The following OSGIN2 variants were observed in gnomAD, a reference collection of about 807,000 sequenced individuals.
OSGIN2 encodes oxidative stress-induced growth inhibitor 2.
Under a neutral mutation model 53.8 loss-of-function variants are expected in OSGIN2, and 19 were observed. The ratio of observed to expected loss-of-function variants is 0.35; its 90% confidence interval spans 0.25 to 0.52. The LOEUF (loss-of-function observed/expected upper bound fraction) is 0.52, where lower values mean the gene tolerates loss of function less well. OSGIN2 is among the 20% of genes least tolerant of loss of function. The probability of loss-of-function intolerance (pLI) is 0.95; values close to 1 mark genes in which losing one functional copy is unlikely to be tolerated. For synonymous variants in OSGIN2, 236 were observed against 236.0 expected (o/e 1.00, Z 0.00); for missense variants, 520 against 662.7 (o/e 0.78, Z 2.36).
intron 4 of OSGIN2, among the ~76,000 whole-genome samples, chr8:89,917,970 A>T (rs1261385000): frequency 2.0e-5 from 3 of 152,108 alleles, no homozygotes; most frequent in South Asian, 2.1e-4. Context: ...CTTTAAAAAA[A>T]TTTTAGGTGC....
At chr8:89,908,377 C>T (rs1808881947) in intron 1 of OSGIN2, among the ~76,000 whole-genome samples, 1 of 152,084 alleles carries the variant, frequency 6.6e-6, no homozygotes, top group Non-Finnish European at 1.5e-5. Flanking sequence ...CTCAGTATGT[C>T]CTGAGGAAGT....
rs1327815442 is a variant in OSGIN2 at position 89,902,808 on chromosome 8, C to T, written c.15C>T (p.Cys5=). 1 of 1,362,092 alleles carries T rather than the reference C, an allele frequency of 7.3e-7. No homozygotes were observed. Among genetic ancestry groups the T allele is most frequent in the Non-Finnish European group, 9.6e-7 (1 of 1,037,320 alleles). 84.4% of individuals were successfully genotyped at this position (1,362,092 alleles called of 1,614,324 possible). A position where few individuals can be genotyped will look rare whatever the true frequency, so the allele number is the denominator to read the frequency against. ...CGCAGCGCTCCATGCCCGTGTGGTG[C>T]TGCCGCTGCTCCCTGGCCGGTCATT... MPVW[C]CRCSLAGHFR... The change falls in exon 1 of 6, where the codon TGC becomes TGT. Residue 5 remains cysteine (C), a synonymous_variant. Transcript: ENST00000451899.
Position 89,925,395 on chromosome 8 carries a change from G to C in OSGIN2, c.1513G>C (p.Ala505Pro), listed in dbSNP as rs1353368713. 6.2e-7 allele frequency: 1 copy of C among 1,614,052 alleles called. No homozygotes were observed. The highest frequency in any genetic ancestry group is 8.5e-7 in the Non-Finnish European group (1 of 1,179,964). The change falls in exon 6 of 6, where the codon GCA becomes CCA. Residue 505 changes from alanine to proline, a missense_variant. Coordinates refer to ENST00000451899, the MANE Select transcript of OSGIN2 (RefSeq NM_001126111.3). ...GTGTATTAAAGAAGCCAACCTTTTT[G>C]CATTGGGTCCTTTGGTTGGAGACAA... ...YECIKEANLF[A>P]LGPLVGDNFV...
In OSGIN2 at chr8:89,914,744, C is replaced by A. The variant is rs149112481; in HGVS notation, c.526C>A (p.His176Asn). 4.7e-5 allele frequency: 75 copies of A among 1,609,230 alleles called. No homozygotes were observed. The highest frequency in any genetic ancestry group is 1.5e-4 in the Admixed American group (9 of 59,846). ...TAAAGGTCCACCTGGTGGGGCTTGG[C>A]ATGTGAGTATATTTTTCTTAGCATT... Reference protein sequence around the residue: ...LGKGPPGGAWHNMEGSMLTIS... With the variant: ...LGKGPPGGAWNNMEGSMLTIS... Residue 176 changes from histidine to asparagine, a missense_variant and splice_region_variant, in exon 4 of 6, where the codon CAT becomes AAT. Transcript: ENST00000451899.
chr8:89,906,468 C>G (rs1252786698), intron 1 of OSGIN2, among the ~76,000 whole-genome samples: 1 of 148,242 alleles, frequency 6.7e-6, no homozygotes, highest in Non-Finnish European at 1.5e-5. Context: ...GTGTGTTGTT[C>G]CCCTCTGTGT....
At chr8:89,910,930 T>G (rs1050252321) in intron 2 of OSGIN2, among the ~76,000 whole-genome samples, 14 of 152,320 alleles carry the variant, frequency 9.2e-5, no homozygotes, top group African/African-American at 3.4e-4. Context: ...TTCTTAAATA[T>G]ATGTTTTCTG....
At chr8:89,912,777 C>A (rs1277558987) in intron 2 of OSGIN2, among the ~76,000 whole-genome samples, 14 of 151,812 alleles carry the variant, frequency 9.2e-5, no homozygotes, top group East Asian at 1.9e-4. Flanking sequence ...AAACAAAACT[C>A]CTGATCCCTC....
chr8:89,904,699 C>T (rs1035707093), intron 1 of OSGIN2, among the ~76,000 whole-genome samples: 1 of 152,030 alleles, frequency 6.6e-6, no homozygotes, highest in Non-Finnish European at 1.5e-5. Context: ...ACCTGTAATC[C>T]CAGCTACTCG....
upstream of OSGIN2, among the ~76,000 whole-genome samples, chr8:89,902,278 G>A (rs1307287673): frequency 6.6e-6 from 1 of 152,162 alleles, no homozygotes; most frequent in East Asian, 1.9e-4. Context: ...CTCTCGACGC[G>A]CACCCACCGG....
chr8:89,924,605 C>T lies in OSGIN2; in HGVS notation c.723C>T (p.Tyr241=). ...AGAAGAATTTCAGAGAGAATACTTA[C>T]ATAACTTCCGTATCAAGACTCTACA... The part of the protein sequence containing the change: ...GLQKNFRENT[Y]ITSVSRLYRD... Residue 241 remains tyrosine, a synonymous_variant, in exon 6 of 6, where the codon TAC becomes TAT. Coordinates refer to ENST00000451899, the MANE Select transcript of OSGIN2 (RefSeq NM_001126111.3). 3 of 1,613,544 alleles carry T rather than the reference C, an allele frequency of 1.9e-6. No individual in the cohort carries two copies. Among genetic ancestry groups the T allele is most frequent in the Non-Finnish European group, 2.5e-6 (3 of 1,179,500 alleles).
intron 1 of OSGIN2, among the ~76,000 whole-genome samples, chr8:89,907,930 G>A (rs1290894923): frequency 3.9e-5 from 6 of 152,006 alleles, no homozygotes; most frequent in Admixed American, 6.6e-5. Flanking sequence ...CATTCCCGTC[G>A]CCTCTGATTT....
rs189952205 is a variant in OSGIN2, at chr8:89,915,789, G to A, written c.528+1043G>A. On this transcript the variant is annotated intron_variant, in intron 4 of 5. Coordinates refer to ENST00000451899, the MANE Select transcript of OSGIN2 (RefSeq NM_001126111.3). ...TTTGCACATCTGAAAAGTTGTTTAC[G>A]TTTATAAAATGACTGTTTCAGGGTA... Among the ~76,000 whole-genome samples the A allele has an allele frequency of 3.8e-3, 581 of 152,214 alleles. 5 individuals carry two copies. The highest frequency in any genetic ancestry group is 0.013 in the African/African-American group (533 of 41,524).
At chr8:89,911,906 C>G (rs1808976257) in intron 2 of OSGIN2, among the ~76,000 whole-genome samples, 1 of 151,676 alleles carries the variant, frequency 6.6e-6, no homozygotes, top group Non-Finnish European at 1.5e-5. Flanking sequence ...CCACTGTACT[C>G]CAGCTTGGGC....
chr8:89,925,871 A>T lies in OSGIN2; in HGVS notation c.*339A>T. 4.6e-6 allele frequency: 1 copy of T among 215,220 alleles called. No homozygotes were observed. Among genetic ancestry groups the T allele is most frequent in the South Asian group, 8.4e-5 (1 of 11,912 alleles). 13.3% of individuals were successfully genotyped at this position (215,220 alleles called of 1,614,324 possible). A position where few individuals can be genotyped will look rare whatever the true frequency, so the allele number is the denominator to read the frequency against. On this transcript the variant is annotated 3_prime_UTR_variant, in exon 6 of 6. Transcript: ENST00000451899. ...AAAATAGTACAGCCTTGAATCTATA[A>T]AACTGTGCAGTCATTATGCCAGAAA...
At chr8:89,920,157 T>C (rs943835160) in intron 4 of OSGIN2, among the ~76,000 whole-genome samples, 2 of 152,156 alleles carry the variant, frequency 1.3e-5, no homozygotes, top group African/African-American at 4.8e-5. Context: ...GATTCCAGGT[T>C]CTGAACCTGG....
chr8:89,915,015 T>C (rs1332079626), intron 4 of OSGIN2, among the ~76,000 whole-genome samples: 1 of 152,214 alleles, frequency 6.6e-6, no homozygotes, highest in Non-Finnish European at 1.5e-5. Flanking sequence ...AAGAATGTTT[T>C]GTATAATAAA....
At chr8:89,910,294 T>A (rs1257414376) in intron 2 of OSGIN2, among the ~76,000 whole-genome samples, 1 of 152,224 alleles carries the variant, frequency 6.6e-6, no homozygotes, top group African/African-American at 2.4e-5. Flanking sequence ...AACATTCAGA[T>A]TTATAAGCTT....
At chr8:89,912,067 T>C (rs527893712) in intron 2 of OSGIN2, among the ~76,000 whole-genome samples, 247 of 152,384 alleles carry the variant, frequency 1.6e-3, no homozygotes, top group African/African-American at 5.6e-3. Context: ...TCTTATGGTT[T>C]TACTTTTCTT....
chr8:89,925,172 T>TAAA lies in OSGIN2; in HGVS notation c.1292_1293insAAA (p.Lys431dup). The TAAA allele has an allele frequency of 6.2e-7, 1 of 1,614,160 alleles. No homozygotes were observed. The highest frequency in any genetic ancestry group is 8.5e-7 in the Non-Finnish European group (1 of 1,179,994). ...TTCCCGAGCACCGTGTGCTTTCCTT[T>TAAA]AAGTCGGACATGAAATGTGTTCTCC... On this transcript the variant is annotated inframe_insertion, in exon 6 of 6. Transcript: ENST00000451899.
Sources: allele counts gnomAD v4.1 joint callset (sites outside exome capture counted in the v4.1 genomes callset), GRCh38; gene constraint gnomAD v4.1.1; transcripts MANE v1.5; gene names NCBI Gene and HGNC (gene_info 2026-07-23, HGNC 2026-07-21).